Variants in RHBDD1 observed in about 807,000 individuals in gnomAD.
RHBDD1 encodes the protein rhomboid-related protein 4.
In RHBDD1, 38 loss-of-function variants were observed where a neutral mutation model predicts 36.3. That is an observed-to-expected ratio of 1.05 (90% CI 0.81 to 1.37). The LOEUF is 1.37. Ranked by LOEUF, RHBDD1 falls within the 40% of genes most tolerant of loss-of-function variation. The pLI is 0.00. For synonymous variants in RHBDD1, 151 were observed against 136.5 expected, an observed-to-expected ratio of 1.11 and a Z score of -0.74; for missense variants, 393 against 377.6, an observed-to-expected ratio of 1.04 and a Z score of -0.34.
At chr2:226,915,343 C>T (rs1948825717) in intron 8 of RHBDD1, among the ~76,000 whole-genome samples, 1 of 152,104 alleles carries the variant, frequency 6.6e-6, no homozygotes, top group Non-Finnish European at 1.5e-5. Flanking sequence ...GTTCTGCCAG[C>T]CCTCACTTTT....
chr2:226,958,223 G>A (rs1951912136), intron 8 of RHBDD1, among the ~76,000 whole-genome samples: 1 of 152,174 alleles, frequency 6.6e-6, no homozygotes, highest in South Asian at 2.1e-4. Context: ...TGCTAATACA[G>A]GCTACAATGT....
intron 8 of RHBDD1, among the ~76,000 whole-genome samples, chr2:226,946,685 C>A (rs759242738): frequency 3.3e-5 from 5 of 152,146 alleles, no homozygotes; most frequent in Non-Finnish European, 4.4e-5. Flanking sequence ...GATATACAGA[C>A]TACTATCAGA....
At chr2:226,872,504 G>A (rs1430266848) in intron 5 of RHBDD1, among the ~76,000 whole-genome samples, 1 of 152,156 alleles carries the variant, frequency 6.6e-6, no homozygotes, top group Non-Finnish European at 1.5e-5. Flanking sequence ...AGCTCATCAT[G>A]TAAATTTTTA....
intron 5 of RHBDD1, among the ~76,000 whole-genome samples, chr2:226,877,810 T>C (rs1045492238): frequency 6.6e-6 from 1 of 152,218 alleles, no homozygotes; most frequent in Admixed American, 6.5e-5. Context: ...ATTTTACCGC[T>C]TTGTCAAAGA....
intron 8 of RHBDD1, among the ~76,000 whole-genome samples, chr2:226,987,807 G>A (rs562390260): frequency 9.8e-5 from 15 of 152,310 alleles, no homozygotes; most frequent in East Asian, 7.7e-4. Context: ...CTGGGTGCTC[G>A]TTAAAATGAA....
chr2:226,806,349 C>G, the RHBDD1 span, among the ~76,000 whole-genome samples: 1 of 152,162 alleles, frequency 6.6e-6, no homozygotes, highest in African/African-American at 2.4e-5. Flanking sequence ...CACCTCTGAT[C>G]CTTCTAAATC....
the RHBDD1 span, among the ~76,000 whole-genome samples, chr2:226,826,712 G>A: frequency 6.6e-6 from 1 of 151,432 alleles, no homozygotes; most frequent in African/African-American, 2.4e-5. Flanking sequence ...AGTAGAGACG[G>A]GGTTTCACCA....
chr2:226,983,980 C>A (rs541599251), intron 8 of RHBDD1, among the ~76,000 whole-genome samples: 1 of 152,314 alleles, frequency 6.6e-6, no homozygotes, highest in Non-Finnish European at 1.5e-5. Context: ...GAGGAACTGT[C>A]CCTGCTCGTA....
At chr2:226,886,265 C>T (rs1167531987) in intron 5 of RHBDD1, among the ~76,000 whole-genome samples, 2 of 152,096 alleles carry the variant, frequency 1.3e-5, no homozygotes, top group Non-Finnish European at 2.9e-5. Context: ...ATTGTAGTTA[C>T]TCAATAAATA....
rs28672075 is a variant in RHBDD1, at chr2:226,966,731, T to C, written c.857-28700T>C. Among the ~76,000 whole-genome samples the C allele has an allele frequency of 5.4e-3, 829 of 152,298 alleles. 7 individuals carry two copies. The highest frequency in any genetic ancestry group is 0.019 in the African/African-American group (787 of 41,540). ...TGCCTGGAAGCTTGTTAGAAATGCA[T>C]ATTTTTGGACCCTGACCTCAAACTC... On this transcript the variant is annotated intron_variant, in intron 8 of 8. Coordinates refer to ENST00000392062, the MANE Select transcript of RHBDD1 (RefSeq NM_001167608.3).
intron 5 of RHBDD1, among the ~76,000 whole-genome samples, chr2:226,881,609 C>T (rs1945744075): frequency 6.7e-6 from 1 of 148,572 alleles, no homozygotes; most frequent in South Asian, 2.1e-4. Flanking sequence ...ATTCCCAGAA[C>T]AAGGTGAAGT....
chr2:226,937,323 G>A (rs1254354772), intron 8 of RHBDD1, among the ~76,000 whole-genome samples: 2 of 152,012 alleles, frequency 1.3e-5, no homozygotes, highest in African/African-American at 2.4e-5. Context: ...AATAGTACCC[G>A]CTTTTTGAGC....
chr2:226,816,586 T>C, the RHBDD1 span, among the ~76,000 whole-genome samples: 2 of 152,116 alleles, frequency 1.3e-5, no homozygotes, highest in East Asian at 3.9e-4. Context: ...TTACAGATTA[T>C]ACCAAGAAAA....
intron 8 of RHBDD1, 112 bp downstream of exon 8, chr2:226,914,463 T>C: frequency 8.0e-7 from 1 of 1,253,066 alleles, no homozygotes; most frequent in Non-Finnish European, 1.1e-6. Context: ...AAAAAGGATA[T>C]GTAGATGAAA....
chr2:226,951,840 G>A (rs756544980), intron 8 of RHBDD1, among the ~76,000 whole-genome samples: 6 of 152,166 alleles, frequency 3.9e-5, no homozygotes, highest in South Asian at 2.1e-4. Context: ...TTTGTTGTCC[G>A]ACATGTTTCA....
At chr2:226,968,676 G>A (rs1259410545) in intron 8 of RHBDD1, among the ~76,000 whole-genome samples, 2 of 152,186 alleles carry the variant, frequency 1.3e-5, no homozygotes, top group Non-Finnish European at 2.9e-5. Flanking sequence ...TGTGCCATTT[G>A]TTCTGACCCT....
At chr2:226,988,304 C>G (rs951219054) in intron 8 of RHBDD1, 2 of 1,543,014 alleles carry the variant, frequency 1.3e-6, no homozygotes, top group Non-Finnish European at 1.7e-6. Flanking sequence ...TCCTTCCCTT[C>G]CACTGTGCCC....
the RHBDD1 span, among the ~76,000 whole-genome samples, chr2:226,803,308 A>ATGTGTGTGTG: frequency 6.7e-6 from 1 of 149,268 alleles, no homozygotes; most frequent in African/African-American, 2.5e-5. Flanking sequence ...GATGACTAAA[A>ATGTGTGTGTG]TGTGTGTGTG....
chr2:226,994,523 G>A (rs1336208263), intron 8 of RHBDD1, among the ~76,000 whole-genome samples: 1 of 152,200 alleles, frequency 6.6e-6, no homozygotes, highest in Non-Finnish European at 1.5e-5. Flanking sequence ...GCCTTTCAGT[G>A]CAAATTACCA....
Sources: allele counts gnomAD v4.1 joint callset (sites outside exome capture counted in the v4.1 genomes callset), GRCh38; gene constraint gnomAD v4.1.1; transcripts MANE v1.5; gene names NCBI Gene and HGNC (gene_info 2026-07-23, HGNC 2026-07-21).